The following MYO18A variants were observed in gnomAD, a reference collection of about 807,000 sequenced individuals.
MYO18A encodes unconventional myosin-XVIIIa.
Under a neutral mutation model 235.8 loss-of-function variants are expected in MYO18A, and 78 were observed. That is an observed-to-expected ratio of 0.33 (90% CI 0.28 to 0.40). The LOEUF (loss-of-function observed/expected upper bound fraction) is 0.40, where lower values mean the gene tolerates loss of function less well. Ranked by LOEUF, MYO18A falls within the 10% of genes least tolerant of loss-of-function variation. MYO18A has a pLI of 1.00. For synonymous variants in MYO18A, 977 were observed against 1,077.8 expected, an observed-to-expected ratio of 0.91 and a Z score of 1.83; for missense variants, 2,215 against 2,699.3, an observed-to-expected ratio of 0.82 and a Z score of 3.98.
At chr17:29,116,725 T>C (rs993556601) in intron 10 of MYO18A, among the ~76,000 whole-genome samples, 1,204 of 3,582 alleles carry the variant, frequency 0.34, 20 homozygotes, top group Non-Finnish European at 0.36. Flanking sequence ...AAACACACCC[T>C]CCCCCCCCCC....
intron 2 of MYO18A, among the ~76,000 whole-genome samples, chr17:29,136,250 A>AATATAT (rs1247592713): frequency 5.1e-4 from 42 of 82,440 alleles, no homozygotes; most frequent in African/African-American, 1.2e-3. Context: ...AAAAAAAAAA[A>AATATAT]ATATATATAT....
intron 41 of MYO18A, chr17:29,075,672 C>T (rs1188022296): frequency 1.2e-5 from 2 of 165,762 alleles, no homozygotes; most frequent in Non-Finnish European, 2.9e-5. Flanking sequence ...GGAGCAGGAT[C>T]ACAGCACTGA....
intron 41 of MYO18A, chr17:29,080,152 T>G (rs976917323): frequency 2.0e-6 from 2 of 985,128 alleles, no homozygotes; most frequent in Non-Finnish European, 2.4e-6. Context: ...CTCCGGGGGG[T>G]CCAGTTGGGC....
chr17:29,076,853 T>C (rs2065993242), intron 41 of MYO18A: 2 of 152,244 alleles, frequency 1.3e-5, no homozygotes, highest in Admixed American at 6.5e-5. Context: ...TGGGGTTACT[T>C]TGTGAGCAGA....
At chr17:29,084,810 A>AC (rs57104115) in intron 40 of MYO18A, among the ~76,000 whole-genome samples, 2,276 of 151,828 alleles carry the variant, frequency 0.015, 47 homozygotes, top group African/African-American at 0.052. Flanking sequence ...TAAAAAAAAA[A>AC]GACCTCTAAA....
intron 41 of MYO18A, among the ~76,000 whole-genome samples, chr17:29,079,175 T>C (rs2066056520): frequency 6.6e-6 from 1 of 152,178 alleles, no homozygotes; most frequent in African/African-American, 2.4e-5. Context: ...CCCAGCCTGT[T>C]GGGGCCATGA....
chr17:29,130,709 C>T (rs1049016690), intron 2 of MYO18A, among the ~76,000 whole-genome samples: 1 of 152,176 alleles, frequency 6.6e-6, no homozygotes, highest in Non-Finnish European at 1.5e-5. Flanking sequence ...GCACTCCTGC[C>T]CCCTGTGCTA....
intron 7 of MYO18A, 25 bp from the exon 8 acceptor site, chr17:29,119,460 G>T (rs781029652): frequency 6.4e-7 from 1 of 1,570,918 alleles, no homozygotes; most frequent in Non-Finnish European, 8.7e-7. Flanking sequence ...GGACGTGTGG[G>T]TAAGGAGGGT....
In MYO18A at chr17:29,097,810, C is replaced by G. The variant is rs745531044; in HGVS notation, c.4080G>C (p.Gly1360=). Reference sequence around the variant, plus strand: ...CACCTGCATCATCATCATCCACTTCCCCGTTGATCTCCGCTGCCCGGATGA... The same window carrying G: ...CACCTGCATCATCATCATCCACTTCGCCGTTGATCTCCGCTGCCCGGATGA... ...ARLIRAAEIN[G]EVDDDDAGGE... The change falls in exon 26 of 42, where the codon GGG becomes GGC. Residue 1360 remains glycine, a synonymous_variant. Coordinates refer to ENST00000527372, the MANE Select transcript of MYO18A (RefSeq NM_078471.4). The G allele has an allele frequency of 6.2e-7, 1 of 1,613,296 alleles. No homozygotes were observed. The highest frequency in any genetic ancestry group is 2.2e-5 in the East Asian group (1 of 44,884).
At chr17:29,132,871 G>A (rs1047995856) in intron 2 of MYO18A, among the ~76,000 whole-genome samples, 5 of 152,216 alleles carry the variant, frequency 3.3e-5, no homozygotes, top group Non-Finnish European at 7.3e-5. Context: ...AAGAGTGGCA[G>A]GGTCTAGGTC....
intron 41 of MYO18A, among the ~76,000 whole-genome samples, chr17:29,079,108 T>A (rs1337931922): frequency 6.6e-6 from 1 of 152,102 alleles, no homozygotes; most frequent in East Asian, 1.9e-4. Context: ...AATAATAGCT[T>A]AGGGCCACTG....
chr17:29,128,107 G>GC, intron 2 of MYO18A: 1 of 1,061,012 alleles, frequency 9.4e-7, no homozygotes, highest in Non-Finnish European at 1.1e-6. Context: ...CCTTGCCCCT[G>GC]CCCCGAGACA....
Position 29,117,335 on chromosome 17 carries a change from C to T in MYO18A, c.2038+710G>A, listed in dbSNP as rs71369702. ...CTGCTGCCCCCTAGTGGCCGCCACC[C>T]TGACATGCAAGAGGAAGATACGGAG... On this transcript the variant is annotated intron_variant, in intron 10 of 41. Transcript: ENST00000527372. The surrounding 1 kb of genome is among the most constrained non-coding windows in gnomAD (Gnocchi z 4.6). Among the ~76,000 whole-genome samples, 11,776 of 152,220 alleles carry T rather than the reference C, an allele frequency of 0.077. 608 individuals carry two copies. Among genetic ancestry groups the T allele is most frequent in the South Asian group, 0.16 (768 of 4,814 alleles).
At position 29,142,999 on chromosome 17, in the gene MYO18A, G is replaced by C. The variant is rs145083612; in HGVS notation, c.1000-20746C>G. ...ATTTTTGTATTTTTAGTGGAGACGG[G>C]GTTTCACCATTTTGGCCAGGCTGGC... On this transcript the variant is annotated intron_variant, in intron 2 of 41. Coordinates refer to ENST00000527372, the MANE Select transcript of MYO18A (RefSeq NM_078471.4). Among the ~76,000 whole-genome samples, 1,148 of 152,260 alleles carry C rather than the reference G, an allele frequency of 7.5e-3. 10 individuals are homozygous for C. Among genetic ancestry groups the C allele is most frequent in the African/African-American group, 0.027 (1,106 of 41,534 alleles).
At chr17:29,134,956 C>G (rs986922758) in intron 2 of MYO18A, among the ~76,000 whole-genome samples, 1 of 152,112 alleles carries the variant, frequency 6.6e-6, no homozygotes, top group Non-Finnish European at 1.5e-5. Flanking sequence ...GCAAGAGGCC[C>G]GGAGAACTGC....
intron 2 of MYO18A, chr17:29,134,013 A>G (rs1484418917): frequency 7.8e-6 from 3 of 386,290 alleles, no homozygotes; most frequent in Non-Finnish European, 1.4e-5. Context: ...GCATTGGAGT[A>G]AGGAATAAAA....
chr17:29,126,520 G>A lies in MYO18A; in HGVS notation c.1000-4267C>T, dbSNP rs1037468283. 6.6e-6 allele frequency among the ~76,000 whole-genome samples: 1 copy of A among 152,120 alleles called. No homozygotes were observed. Among genetic ancestry groups the A allele is most frequent in the African/African-American group, 2.4e-5 (1 of 41,416 alleles). ...AGGTGGGTGGGGGAAGCGGCGGCTG[G>A]CTTTTCTCTAAGTGCTGCAATGCCC... is the stretch of plus-strand genomic sequence containing the variant. On this transcript the variant is annotated intron_variant, in intron 2 of 41. Coordinates refer to ENST00000527372, the MANE Select transcript of MYO18A (RefSeq NM_078471.4). This position sits in a 1 kb window ranked among gnomAD's most constrained non-coding sequence, Gnocchi z 4.1.
chr17:29,177,183 C>T (rs139334562), intron 1 of MYO18A, among the ~76,000 whole-genome samples: 51 of 152,348 alleles, frequency 3.3e-4, no homozygotes, highest in African/African-American at 1.2e-3. Context: ...TTCTGCTCAA[C>T]CACACACTGC....
chr17:29,072,488 A>T lies in MYO18A; in HGVS notation c.*2282T>A, dbSNP rs34583763. 0.013 allele frequency: 1,919 copies of T among 152,390 alleles called. 17 individuals are homozygous for T. Among genetic ancestry groups the T allele is most frequent in the Non-Finnish European group, 0.019 (1,316 of 68,068 alleles). The allele number at this position is 152,390 out of a possible 1,614,324, so 9.4% of individuals were successfully genotyped here. A position where few individuals can be genotyped will look rare whatever the true frequency, so the allele number is the denominator to read the frequency against. On this transcript the variant is annotated 3_prime_UTR_variant, in exon 42 of 42. Transcript: ENST00000527372. The stretch of plus-strand genomic sequence containing the variant: ...GGTTGCAGTGAGTTGAGATCATGCC[A>T]CTGCATTCCAGCTTGGGCGACATAG...
Sources: allele counts gnomAD v4.1 joint callset (sites outside exome capture counted in the v4.1 genomes callset), GRCh38; gene constraint gnomAD v4.1.1; non-coding constraint Gnocchi (gnomAD v3.1); transcripts MANE v1.5; gene names NCBI Gene and HGNC (gene_info 2026-07-23, HGNC 2026-07-21).